CYP46A1: variants seen among roughly 807,000 people sequenced by gnomAD.
The protein encoded by CYP46A1 is cytochrome P450 family 46 subfamily A member 1.
In CYP46A1, 20 loss-of-function variants were observed where a neutral mutation model predicts 63.3. That is an observed-to-expected ratio of 0.32 (90% CI 0.22 to 0.46). The LOEUF (loss-of-function observed/expected upper bound fraction) is 0.46. Ranked by LOEUF, CYP46A1 falls within the 20% of genes least tolerant of loss-of-function variation. The pLI is 1.00. For missense variants in CYP46A1, 445 were observed against 670.8 expected (o/e 0.66, Z 3.72); for synonymous variants, 268 against 273.6 (o/e 0.98, Z 0.20).
At chr14:99,712,009 A>G (rs1262657295) in intron 7 of CYP46A1, 3 of 152,216 alleles carry the variant, frequency 2.0e-5, no homozygotes, top group Non-Finnish European at 4.4e-5. Context: ...GTTATACATC[A>G]TATTAACAGG....
At chr14:99,703,397 C>T (rs1239275661) in intron 5 of CYP46A1, among the ~76,000 whole-genome samples, 2 of 152,182 alleles carry the variant, frequency 1.3e-5, no homozygotes, top group African/African-American at 4.8e-5. Flanking sequence ...TGCTAAAGCT[C>T]AGATCTGACC....
intron 7 of CYP46A1, 119 bp from the exon 8 acceptor site, chr14:99,715,691 C>G: frequency 7.5e-7 from 1 of 1,327,548 alleles, no homozygotes; most frequent in Non-Finnish European, 1.0e-6. Context: ...TAGAATTTCT[C>G]ACATTCTACT....
chr14:99,691,165 G>A lies in CYP46A1; in HGVS notation c.200+4G>A. Reference sequence around the variant, plus strand: ...TCCAAGATGTGTTTTTGGATTGGTGGGTTCTCATTTGTCACTTGTTGCCCT... The same window carrying A: ...TCCAAGATGTGTTTTTGGATTGGTGAGTTCTCATTTGTCACTTGTTGCCCT... On this transcript the variant is annotated splice_donor_region_variant and intron_variant, in intron 2 of 14. Transcript: ENST00000261835. 1.2e-6 allele frequency: 2 copies of A among 1,614,114 alleles called. No individual in the cohort carries two copies. Among genetic ancestry groups the A allele is most frequent in the Non-Finnish European group, 1.7e-6 (2 of 1,180,014 alleles).
chr14:99,727,118 C>T lies in CYP46A1; in HGVS notation c.*391C>T, dbSNP rs2056911566. 1 of 208,988 alleles carries T rather than the reference C, an allele frequency of 4.8e-6. No homozygotes were observed. The highest frequency in any genetic ancestry group is 5.9e-5 in the Admixed American group (1 of 16,870). 12.9% of individuals were successfully genotyped at this position (208,988 alleles called of 1,614,324 possible). On this transcript the variant is annotated 3_prime_UTR_variant, in exon 15 of 15. Transcript: ENST00000261835. ...CCCCTCCTCTGTGCTCCCTCGGTCA[C>T]CTGTGCTACCTCTAACACCACACTG...
chr14:99,692,288 C>A (rs1230140235), intron 3 of CYP46A1, among the ~76,000 whole-genome samples: 4 of 152,246 alleles, frequency 2.6e-5, no homozygotes, highest in African/African-American at 9.6e-5. Context: ...CTTTTCTATG[C>A]ACTTCACAAT....
At chr14:99,702,962 C>T (rs1459310967) in intron 5 of CYP46A1, among the ~76,000 whole-genome samples, 1 of 152,164 alleles carries the variant, frequency 6.6e-6, no homozygotes, top group Non-Finnish European at 1.5e-5. Flanking sequence ...GTCACTTTAG[C>T]CCCCTTTATT....
intron 7 of CYP46A1, among the ~76,000 whole-genome samples, chr14:99,714,152 A>G (rs940960552): frequency 2.6e-5 from 4 of 152,256 alleles, no homozygotes; most frequent in Non-Finnish European, 4.4e-5. Context: ...TAATCATCAG[A>G]TAAATGCAAA....
intron 12 of CYP46A1, among the ~76,000 whole-genome samples, chr14:99,724,805 G>A (rs954974222): frequency 7.9e-5 from 12 of 152,178 alleles, no homozygotes; most frequent in African/African-American, 2.9e-4. Context: ...AGCCAGGGGT[G>A]GAACAGGCTT....
chr14:99,701,760 T>C (rs73350415), intron 5 of CYP46A1, among the ~76,000 whole-genome samples: 4,642 of 152,222 alleles, frequency 0.03, 230 homozygotes, highest in African/African-American at 0.1. Context: ...TTTTAGAACA[T>C]TTTCATCACC....
intron 3 of CYP46A1, among the ~76,000 whole-genome samples, chr14:99,693,390 C>T (rs1308239036): frequency 1.3e-5 from 2 of 152,116 alleles, no homozygotes; most frequent in South Asian, 4.1e-4. Flanking sequence ...CAAAGACTTT[C>T]GTGATGCTTA....
At chr14:99,697,292 G>A (rs1831416468) in intron 3 of CYP46A1, among the ~76,000 whole-genome samples, 1 of 151,264 alleles carries the variant, frequency 6.6e-6, no homozygotes, top group Admixed American at 6.6e-5. Context: ...GCTTCTCCCT[G>A]GTACTTTGTT....
At chr14:99,698,383 G>A (rs1287521552) in intron 3 of CYP46A1, among the ~76,000 whole-genome samples, 6 of 152,152 alleles carry the variant, frequency 3.9e-5, no homozygotes, top group African/African-American at 1.4e-4. Context: ...TTTACTATGT[G>A]TGTAACCTTG....
chr14:99,694,841 G>A (rs1477809199), intron 3 of CYP46A1, among the ~76,000 whole-genome samples: 1 of 151,940 alleles, frequency 6.6e-6, no homozygotes, highest in Admixed American at 6.6e-5. Context: ...ATTCACTTTG[G>A]GTTTAATTTG....
chr14:99,718,491 G>A (rs568305438), intron 10 of CYP46A1, among the ~76,000 whole-genome samples: 3 of 152,326 alleles, frequency 2.0e-5, no homozygotes, highest in Non-Finnish European at 2.9e-5. Context: ...TCCCCACAGC[G>A]TACCCAGTGC....
chr14:99,709,209 A>G (rs1269727070), intron 7 of CYP46A1: 1 of 152,170 alleles, frequency 6.6e-6, no homozygotes, highest in Non-Finnish European at 1.5e-5. Flanking sequence ...TCCAAAGAAA[A>G]TAAAATTTAT....
chr14:99,699,176 G>A (rs929227484), intron 3 of CYP46A1, among the ~76,000 whole-genome samples: 3 of 152,128 alleles, frequency 2.0e-5, no homozygotes, highest in Non-Finnish European at 4.4e-5. Context: ...TTTGGAAGGT[G>A]ACATGGTATG....
chr14:99,721,918 C>T, intron 11 of CYP46A1, 38 bp from the exon 12 acceptor site: 2 of 1,559,446 alleles, frequency 1.3e-6, no homozygotes, highest in Non-Finnish European at 1.8e-6. Flanking sequence ...GTGGCCTCTC[C>T]CGACTCTCCT....
Position 99,725,528 on chromosome 14 carries a change from C to A in CYP46A1, c.1265+49C>A. ...ATGAGTGGGGCTGGCGGGAGAAGGACAGACACAGCGGCCTCTGGTCTGAGC... is the reference window on the plus strand; with the variant it reads ...ATGAGTGGGGCTGGCGGGAGAAGGAAAGACACAGCGGCCTCTGGTCTGAGC... On this transcript the variant is annotated intron_variant, in intron 13 of 14. Transcript: ENST00000261835. The surrounding 1 kb of genome is among the most constrained non-coding windows in gnomAD (Gnocchi z 4.2). 7.0e-7 allele frequency: 1 copy of A among 1,429,076 alleles called. No homozygotes were observed. Among genetic ancestry groups the A allele is most frequent in the Non-Finnish European group, 9.9e-7 (1 of 1,012,288 alleles). 88.5% of individuals were successfully genotyped at this position (1,429,076 alleles called of 1,614,324 possible). A position where few individuals can be genotyped will look rare whatever the true frequency, so the allele number is the denominator to read the frequency against.
At chr14:99,706,303 G>T (rs761019683) in intron 5 of CYP46A1, 23 of 192,016 alleles carry the variant, frequency 1.2e-4, no homozygotes, top group Non-Finnish European at 1.8e-4. Context: ...AACCGGGATT[G>T]CCCTCTCATG....
Sources: allele counts gnomAD v4.1 joint callset (sites outside exome capture counted in the v4.1 genomes callset), GRCh38; gene constraint gnomAD v4.1.1; non-coding constraint Gnocchi (gnomAD v3.1); transcripts MANE v1.5; gene names NCBI Gene and HGNC (gene_info 2026-07-23, HGNC 2026-07-21).